The following VRK2 variants were observed in gnomAD, a reference collection of about 807,000 sequenced individuals.
VRK2 encodes serine/threonine-protein kinase VRK2.
Under a neutral mutation model 57.6 loss-of-function variants are expected in VRK2, and 60 were observed. The ratio of observed to expected loss-of-function variants is 1.04; its 90% CI spans 0.85 to 1.29. The LOEUF (loss-of-function observed/expected upper bound fraction) is 1.29. VRK2 is among the 50% of genes most tolerant of loss of function. The probability of loss-of-function intolerance (pLI) is 0.00; values close to 1 mark genes in which losing one functional copy is unlikely to be tolerated. For synonymous variants in VRK2, 231 were observed against 199.2 expected (o/e 1.16, Z -1.35); for missense variants, 705 against 588.1 (o/e 1.20, Z -2.06).
chr2:58,145,782 A>C (rs1434847514), intron 11 of VRK2, among the ~76,000 whole-genome samples: 1 of 150,912 alleles, frequency 6.6e-6, no homozygotes, highest in Non-Finnish European at 1.5e-5. Flanking sequence ...CCCTTCCCCC[A>C]CCCCATGACA....
In VRK2 at chr2:57,945,377, C is replaced by G. The variant is rs529609736; in HGVS notation, c.-439+37538C>G. On this transcript the variant is annotated intron_variant, in intron 1 of 15. Coordinates refer to the VRK2 transcript ENST00000417641. ...TTGTGTAAATGACTCTTGCCTAGAT[C>G]GAGTCTATCAACTGTCACCATATCT... Among the ~76,000 whole-genome samples the G allele has an allele frequency of 2.0e-5, 3 of 152,162 alleles. No homozygotes were observed. In the South Asian group the frequency reaches 6.2e-4, roughly 32 times the overall value.
intron 11 of VRK2, among the ~76,000 whole-genome samples, chr2:58,145,487 A>G (rs1681973200): frequency 6.6e-6 from 1 of 152,054 alleles, no homozygotes; most frequent in Admixed American, 6.6e-5. Flanking sequence ...TATACTGGAT[A>G]CACTCCCAGC....
Position 58,089,674 on chromosome 2 carries a change from G to A in VRK2, c.494G>A (p.Gly165Asp), listed in dbSNP as rs767418182. The change falls in exon 7 of 13, where the codon GGT becomes GAT. Residue 165 changes from glycine to aspartate, a missense_variant. Transcript: ENST00000340157. ...EYIHENEYVH[G>D]DIKAANLLLG... ...ATACATGAAAATGAATATGTTCATG[G>A]TGATATAAAAGCAGCAAATCTACTT... 1.9e-6 allele frequency: 3 copies of A among 1,608,380 alleles called. No individual in the cohort carries two copies. The highest frequency in any genetic ancestry group is 2.5e-6 in the Non-Finnish European group (3 of 1,176,502).
At chr2:58,019,223 C>T (rs149243857) in intron 1 of VRK2, among the ~76,000 whole-genome samples, 60 of 152,274 alleles carry the variant, frequency 3.9e-4, no homozygotes, top group Admixed American at 7.9e-4. Context: ...GAAATTTTTA[C>T]GTTGCTATCA....
chr2:58,095,873 A>G (rs978282080), intron 7 of VRK2, among the ~76,000 whole-genome samples: 2 of 152,076 alleles, frequency 1.3e-5, no homozygotes, highest in African/African-American at 2.4e-5. Context: ...AAATGTGATG[A>G]TGGCTTTAGG....
At chr2:57,999,026 T>A (rs1321404814) in intron 1 of VRK2, among the ~76,000 whole-genome samples, 2 of 151,964 alleles carry the variant, frequency 1.3e-5, no homozygotes, top group East Asian at 1.9e-4. Flanking sequence ...TATGAAAAAA[T>A]TTATATCTAC....
At chr2:57,938,856 T>C (rs1437573446) in intron 1 of VRK2, among the ~76,000 whole-genome samples, 7 of 152,128 alleles carry the variant, frequency 4.6e-5, no homozygotes, top group Admixed American at 2.0e-4. Flanking sequence ...AAGTTATTTA[T>C]GACTTCAAAA....
intron 11 of VRK2, among the ~76,000 whole-genome samples, chr2:58,141,906 C>A (rs1474177131): frequency 6.6e-6 from 1 of 151,886 alleles, no homozygotes; most frequent in African/African-American, 2.4e-5. Flanking sequence ...TCACATGGCT[C>A]CAAATTTCTT....
intron 11 of VRK2, among the ~76,000 whole-genome samples, chr2:58,143,533 TA>T (rs1681653236): frequency 6.6e-6 from 1 of 151,950 alleles, no homozygotes; most frequent in South Asian, 2.1e-4. Context: ...TTCAGCCAAC[TA>T]AAAGCAAATC....
At chr2:58,041,170 T>C (rs1366407097) in intron 3 of VRK2, 1 of 627,422 alleles carries the variant, frequency 1.6e-6, no homozygotes, top group Non-Finnish European at 2.0e-6. Context: ...ATACCACTTT[T>C]GGCTAGTCAA....
chr2:58,023,297 C>T (rs1000087904), intron 1 of VRK2, among the ~76,000 whole-genome samples: 9 of 152,098 alleles, frequency 5.9e-5, no homozygotes, highest in South Asian at 2.1e-4. Flanking sequence ...TGTTGTAGTA[C>T]GTATCAGAAT....
At chr2:58,002,939 T>G (rs569403642) in intron 1 of VRK2, among the ~76,000 whole-genome samples, 1 of 152,214 alleles carries the variant, frequency 6.6e-6, no homozygotes, top group African/African-American at 2.4e-5. Flanking sequence ...AGGGTCATGA[T>G]GCCCATCAAG....
intron 7 of VRK2, among the ~76,000 whole-genome samples, chr2:58,114,948 G>A (rs956949671): frequency 6.6e-6 from 1 of 152,172 alleles, no homozygotes; most frequent in Admixed American, 6.5e-5. Flanking sequence ...CCCGTCCTGG[G>A]TGGGGGCAAA....
intron 1 of VRK2, among the ~76,000 whole-genome samples, chr2:57,916,394 A>G (rs1348683168): frequency 6.9e-6 from 1 of 144,356 alleles, no homozygotes; most frequent in Admixed American, 7.0e-5. Flanking sequence ...AACAAGAGCA[A>G]AACTTCGTCT....
At chr2:57,997,237 T>G (rs935280755) in intron 1 of VRK2, among the ~76,000 whole-genome samples, 3 of 152,110 alleles carry the variant, frequency 2.0e-5, no homozygotes, top group African/African-American at 7.2e-5. Flanking sequence ...TTTACATAGT[T>G]ATAATGATAA....
chr2:58,149,211 T>C (rs1396178001), intron 12 of VRK2, among the ~76,000 whole-genome samples: 4 of 151,826 alleles, frequency 2.6e-5, no homozygotes. Context: ...TTGTAGTTTT[T>C]AGTGTAGATG....
At chr2:58,040,007 A>C (rs1222564117) in intron 3 of VRK2, among the ~76,000 whole-genome samples, 1 of 151,802 alleles carries the variant, frequency 6.6e-6, no homozygotes, top group East Asian at 1.9e-4. Context: ...TCAATCTCCC[A>C]GGCTCCCAAT....
chr2:57,981,527 T>C (rs1466521607), intron 1 of VRK2, among the ~76,000 whole-genome samples: 1 of 152,182 alleles, frequency 6.6e-6, no homozygotes, highest in South Asian at 2.1e-4. Flanking sequence ...GGATGAGTCA[T>C]CTTGTGTAGT....
chr2:58,155,915 ATGTT>A (rs1390682449), intron 12 of VRK2, among the ~76,000 whole-genome samples: 11 of 131,386 alleles, frequency 8.4e-5, no homozygotes, highest in Admixed American at 2.3e-4. Context: ...CATGTTTTTC[ATGTT>A]TGTTTTTTTT....
Sources: gnomAD v4.1 joint callset for allele counts (sites outside exome capture counted in the v4.1 genomes callset) on GRCh38, gnomAD v4.1.1 for gene constraint, MANE v1.5 for transcripts, NCBI Gene and HGNC (gene_info 2026-07-23, HGNC 2026-07-21) for gene names.